The following NTRK3 variants were observed in gnomAD, a reference collection of about 807,000 sequenced individuals.
NTRK3 encodes the protein neurotrophic receptor tyrosine kinase 3, also known as NT-3 growth factor receptor.
NTRK3 carries 24 observed loss-of-function variants against 91.7 expected under a neutral mutation model. The ratio of observed to expected loss-of-function variants is 0.26; its 90% CI spans 0.19 to 0.37. The LOEUF is 0.37. Among genes scored for constraint, NTRK3 ranks in the 10% least tolerant of loss-of-function variants. The pLI, the probability that NTRK3 is intolerant of heterozygous loss-of-function variation, is 1.00. For synonymous variants in NTRK3, 483 were observed against 404.0 expected, an observed-to-expected ratio of 1.20 and a Z score of -2.34; for missense variants, 880 against 1,068.9, an observed-to-expected ratio of 0.82 and a Z score of 2.46.
At chr15:88,176,270 G>A (rs530476271) in intron 5 of NTRK3, among the ~76,000 whole-genome samples, 36 of 151,004 alleles carry the variant, frequency 2.4e-4, no homozygotes, top group Non-Finnish European at 4.6e-4. Context: ...CTGAGTAGTT[G>A]GGACTACAGG....
intron 14 of NTRK3, among the ~76,000 whole-genome samples, chr15:88,004,782 T>C (rs949449556): frequency 1.3e-5 from 2 of 151,926 alleles, no homozygotes; most frequent in Admixed American, 6.6e-5. Context: ...CTTGAAAAAG[T>C]GGGGTAAAAG....
At chr15:87,868,921 G>A in exon 19 of NTRK3, 1 of 226,182 alleles carries the variant, frequency 4.4e-6, no homozygotes. Flanking sequence ...CGTCTGTCCG[G>A]CCTAGACGCA....
At chr15:88,215,256 C>T (rs964666278) in intron 3 of NTRK3, among the ~76,000 whole-genome samples, 7 of 152,174 alleles carry the variant, frequency 4.6e-5, no homozygotes, top group African/African-American at 1.2e-4. Flanking sequence ...CCAGTTCAAA[C>T]GGAGCATCAC....
In NTRK3 at chr15:87,886,676, CTATATA is replaced by C. The variant is rs35011403; in HGVS notation, c.2134-6254_2134-6249del. Among the ~76,000 whole-genome samples, 264 of 101,208 alleles carry C rather than the reference CTATATA, an allele frequency of 2.6e-3. 9 individuals carry two copies. Among genetic ancestry groups the C allele is most frequent in the Non-Finnish European group, 2.8e-3 (141 of 51,246 alleles). 66.4% of individuals were successfully genotyped at this position (101,208 alleles called of 152,430 possible). ...CCAAAGAGAAAAATCCCACTTTTTG[CTATATA>C]TATATATATATATATATACATATAT... On this transcript the variant is annotated intron_variant, in intron 17 of 18. Coordinates refer to ENST00000394480, the Ensembl canonical transcript of NTRK3.
At chr15:88,063,752 C>T (rs2046412119) in intron 13 of NTRK3, among the ~76,000 whole-genome samples, 1 of 152,084 alleles carries the variant, frequency 6.6e-6, no homozygotes, top group African/African-American at 2.4e-5. Flanking sequence ...TCAATGGATA[C>T]GTGTTGAATA....
chr15:88,207,179 G>T (rs935890389), intron 3 of NTRK3, among the ~76,000 whole-genome samples: 1 of 152,164 alleles, frequency 6.6e-6, no homozygotes, highest in South Asian at 2.1e-4. Context: ...ACCCTAACAG[G>T]CTGGTTTCAT....
At chr15:88,231,384 C>T (rs188460808) in intron 3 of NTRK3, among the ~76,000 whole-genome samples, 217 of 152,208 alleles carry the variant, frequency 1.4e-3, no homozygotes, top group African/African-American at 5.0e-3. Context: ...CCACTATTTG[C>T]TTCTCCTCTT....
intron 14 of NTRK3, among the ~76,000 whole-genome samples, chr15:87,969,939 C>T (rs1489876972): frequency 2.0e-5 from 3 of 152,196 alleles, no homozygotes; most frequent in Non-Finnish European, 2.9e-5. Flanking sequence ...AGCCATCTCT[C>T]TCACTCAGTT....
intron 6 of NTRK3, among the ~76,000 whole-genome samples, chr15:88,140,668 G>A (rs1034235180): frequency 2.0e-5 from 3 of 152,220 alleles, no homozygotes; most frequent in Non-Finnish European, 2.9e-5. Flanking sequence ...ATGTTATCAC[G>A]TCCTGTGGCC....
chr15:87,894,602 T>C (rs1359244635), intron 17 of NTRK3, among the ~76,000 whole-genome samples: 1 of 152,176 alleles, frequency 6.6e-6, no homozygotes, highest in Non-Finnish European at 1.5e-5. Context: ...CTCTAATGTG[T>C]TCTGTCTCCA....
chr15:88,224,463 T>A lies in NTRK3; in HGVS notation c.248+31443A>T, dbSNP rs566663335. Among the ~76,000 whole-genome samples the A allele has an allele frequency of 3.9e-5, 6 of 152,362 alleles. No individual in the cohort carries two copies. In the East Asian group the frequency reaches 1.2e-3, roughly 29 times the overall value. On this transcript the variant is annotated intron_variant, in intron 3 of 18. Coordinates refer to ENST00000394480, the Ensembl canonical transcript of NTRK3. ...AATACTCTCTCCTTCACCTCCCAGC[T>A]GAGGGGACCTTGGGTACATTATGAA...
In NTRK3 at chr15:87,940,653, C is replaced by T. The variant is rs368701031; in HGVS notation, c.1686G>A (p.Pro562=). ...CAGCCACAAGCATCTTGTCCTTGGT[C>T]GGGCTGAGGTTGTAGCACTCGGCCA... Residue 562 remains proline (P), a synonymous_variant, in exon 15 of 19, where the codon CCG becomes CCA. Coordinates refer to ENST00000394480, the Ensembl canonical transcript of NTRK3. 4.8e-4 allele frequency: 769 copies of T among 1,614,016 alleles called. 2 individuals carry two copies. In the South Asian group the frequency reaches 5.0e-3, roughly 11 times the overall value.
At chr15:87,983,770 A>T (rs75341192) in intron 14 of NTRK3, among the ~76,000 whole-genome samples, 1 of 152,188 alleles carries the variant, frequency 6.6e-6, no homozygotes, top group Non-Finnish European at 1.5e-5. Context: ...GGAGGTCAAG[A>T]TAGTGATGGT....
chr15:88,136,900 G>A (rs1467848385), intron 7 of NTRK3, among the ~76,000 whole-genome samples: 1 of 152,156 alleles, frequency 6.6e-6, no homozygotes, highest in Non-Finnish European at 1.5e-5. Context: ...AAGCTCAATG[G>A]CATCATTACA....
chr15:88,197,122 A>AG, intron 3 of NTRK3, among the ~76,000 whole-genome samples: 1 of 145,540 alleles, frequency 6.9e-6, no homozygotes, highest in Non-Finnish European at 1.5e-5. Context: ...AAAAAAAAAA[A>AG]AAAAACCTCT....
intron 14 of NTRK3, among the ~76,000 whole-genome samples, chr15:88,001,563 T>A (rs2141627523): frequency 6.6e-6 from 1 of 152,304 alleles, no homozygotes; most frequent in South Asian, 2.1e-4. Context: ...CGTGAATAGC[T>A]CATTGTCCCA....
intron 13 of NTRK3, among the ~76,000 whole-genome samples, chr15:88,035,988 G>T (rs1218697205): frequency 2.0e-5 from 3 of 152,010 alleles, no homozygotes; most frequent in East Asian, 1.9e-4. Context: ...AATAAAAAAG[G>T]AAAGATAAGA....
intron 5 of NTRK3, among the ~76,000 whole-genome samples, chr15:88,150,546 C>G (rs1317237935): frequency 6.6e-6 from 1 of 152,088 alleles, no homozygotes; most frequent in Admixed American, 6.5e-5. Flanking sequence ...CCATCAAGCC[C>G]CACCTGGATT....
intron 17 of NTRK3, among the ~76,000 whole-genome samples, chr15:87,925,022 A>G (rs896286359): frequency 3.3e-5 from 5 of 152,170 alleles, no homozygotes; most frequent in African/African-American, 1.2e-4. Context: ...AAACTTTAAT[A>G]CTAGATTTGA....
Sources: gnomAD v4.1 joint callset for allele counts (sites outside exome capture counted in the v4.1 genomes callset) on GRCh38, gnomAD v4.1.1 for gene constraint, MANE v1.5 for transcripts, NCBI Gene and HGNC (gene_info 2026-07-23, HGNC 2026-07-21) for gene names.